Variants in AKAP13 observed in about 807,000 individuals in gnomAD.
AKAP13 encodes the protein A-kinase anchor protein 13.
Under a neutral mutation model 264.5 loss-of-function variants are expected in AKAP13, and 80 were observed. The observed-to-expected ratio is 0.30, with a 90% CI of 0.25 to 0.36. The LOEUF is 0.36. Among genes scored for constraint, AKAP13 ranks in the 10% least tolerant of loss-of-function variants. The pLI is 1.00. For missense variants in AKAP13, 3,712 were observed against 3,435.2 expected, an observed-to-expected ratio of 1.08 and a Z score of -2.01; for synonymous variants, 1,380 against 1,250.2, an observed-to-expected ratio of 1.10 and a Z score of -2.19.
rs549243415 is a variant in AKAP13, at chr15:85,640,247, A to G, written c.4237+798A>G. Among the ~76,000 whole-genome samples the G allele has an allele frequency of 2.0e-5, 3 of 152,322 alleles. No individual in the cohort carries two copies. The South Asian group carries it at 6.2e-4, about 32-fold the overall frequency. ...GATGAGTAATCCCTGTGCCTGTTCT[A>G]CGACTGCTAAGTGAATACTAGTAAT... On this transcript the variant is annotated intron_variant, in intron 9 of 36. Transcript: ENST00000394518.
At position 85,579,006 on chromosome 15, in the gene AKAP13, C is replaced by G; in HGVS notation, c.938C>G (p.Thr313Arg). The change falls in exon 7 of 37, where the codon ACA (threonine) becomes AGA (arginine). Residue 313 changes from threonine (T) to arginine (R), a missense_variant. Physicochemically the swap from Thr to Arg is moderately conservative, Grantham distance 71. Coordinates refer to ENST00000394518, the MANE Select transcript of AKAP13 (RefSeq NM_007200.5). ...TAQDPSSAPE[T>R]DGQFLPCAPE... ...CAGGATCCTTCCAGTGCCCCAGAGA[C>G]AGATGGCCAGTTTCTTCCCTGTGCA... 1 of 1,614,100 alleles carries G rather than the reference C, an allele frequency of 6.2e-7. No individual in the cohort carries two copies. The highest frequency in any genetic ancestry group is 8.5e-7 in the Non-Finnish European group (1 of 1,180,040).
At chr15:85,626,481 A>T (rs1177280609) in intron 8 of AKAP13, among the ~76,000 whole-genome samples, 1 of 152,162 alleles carries the variant, frequency 6.6e-6, no homozygotes, top group Non-Finnish European at 1.5e-5. Flanking sequence ...TCTAGGTACT[A>T]AGTGGAGTCA....
intron 1 of AKAP13, among the ~76,000 whole-genome samples, chr15:85,484,764 C>G (rs192985235): frequency 6.6e-6 from 1 of 152,240 alleles, no homozygotes; most frequent in Non-Finnish European, 1.5e-5. Context: ...AACAGTTGGT[C>G]ATTTCAATTT....
At chr15:85,539,779 T>G (rs1404735825) in intron 4 of AKAP13, among the ~76,000 whole-genome samples, 1 of 152,152 alleles carries the variant, frequency 6.6e-6, no homozygotes, top group African/African-American at 2.4e-5. Flanking sequence ...CAGAGATCTT[T>G]CCAATTAAGT....
At chr15:85,619,555 G>C in intron 8 of AKAP13, 1 of 985,168 alleles carries the variant, frequency 1.0e-6, no homozygotes, top group Non-Finnish European at 1.2e-6. Context: ...CTTTGTTTTT[G>C]TTTTAAGCAA....
intron 12 of AKAP13, among the ~76,000 whole-genome samples, chr15:85,661,061 A>G (rs774952081): frequency 4.6e-5 from 7 of 152,206 alleles, no homozygotes; most frequent in Non-Finnish European, 1.0e-4. Flanking sequence ...TTTATTGTCC[A>G]CAAGCTCTGC....
At chr15:85,483,016 G>A (rs2075396616) in intron 1 of AKAP13, among the ~76,000 whole-genome samples, 1 of 152,184 alleles carries the variant, frequency 6.6e-6, no homozygotes. Context: ...ACTCTTACGA[G>A]TTCTGGTTTT....
chr15:85,629,035 A>C (rs1299271663), intron 8 of AKAP13, among the ~76,000 whole-genome samples: 1 of 152,084 alleles, frequency 6.6e-6, no homozygotes, highest in Non-Finnish European at 1.5e-5. Flanking sequence ...CTCTCCAAAA[A>C]AATTTTTAAA....
chr15:85,729,495 A>G (rs2087835406), intron 29 of AKAP13, among the ~76,000 whole-genome samples: 1 of 152,170 alleles, frequency 6.6e-6, no homozygotes, highest in Admixed American at 6.5e-5. Context: ...AGAACAAGGC[A>G]TCTCAGTAGA....
chr15:85,484,885 A>C (rs2075482741), intron 1 of AKAP13, among the ~76,000 whole-genome samples: 1 of 152,146 alleles, frequency 6.6e-6, no homozygotes, highest in African/African-American at 2.4e-5. Context: ...ATGTGCCTTC[A>C]TTTACCTATT....
intron 21 of AKAP13, 149 bp downstream of exon 21, chr15:85,717,551 T>G: frequency 1.5e-6 from 1 of 651,010 alleles, no homozygotes; most frequent in Non-Finnish European, 2.7e-6. Context: ...TGTCCAGTGC[T>G]TTGTCATGAC....
chr15:85,741,689 G>A (rs1367378584), intron 35 of AKAP13, among the ~76,000 whole-genome samples, 194 bp downstream of exon 35: 1 of 112,380 alleles, frequency 8.9e-6, no homozygotes, highest in African/African-American at 3.7e-5. Flanking sequence ...GGGAGACTCT[G>A]TCTCTCCTAA....
intron 2 of AKAP13, among the ~76,000 whole-genome samples, chr15:85,502,094 AT>A (rs763845905): frequency 6.6e-6 from 1 of 152,052 alleles, no homozygotes; most frequent in Non-Finnish European, 1.5e-5. Context: ...AGAGTTTCTG[AT>A]TTACTAGGTT....
intron 14 of AKAP13, among the ~76,000 whole-genome samples, chr15:85,681,669 C>T (rs1266257141): frequency 6.6e-6 from 1 of 151,616 alleles, no homozygotes; most frequent in Non-Finnish European, 1.5e-5. Context: ...CTCTGATGCT[C>T]TTTCCTGTTT....
chr15:85,695,364 A>G (rs1039038842), intron 17 of AKAP13, among the ~76,000 whole-genome samples: 13 of 152,176 alleles, frequency 8.5e-5, no homozygotes, highest in African/African-American at 3.1e-4. Context: ...AGATCGTGCC[A>G]TTGCACTCCA....
At chr15:85,603,229 A>G (rs1449755118) in intron 8 of AKAP13, among the ~76,000 whole-genome samples, 1 of 152,258 alleles carries the variant, frequency 6.6e-6, no homozygotes, top group African/African-American at 2.4e-5. Context: ...CAGGCATCAC[A>G]TCACATACAC....
intron 35 of AKAP13, among the ~76,000 whole-genome samples, chr15:85,743,133 C>G (rs2089174134): frequency 6.6e-6 from 1 of 152,082 alleles, no homozygotes; most frequent in Non-Finnish European, 1.5e-5. Context: ...TATCTGCATC[C>G]CTGTGTAGAG....
At chr15:85,653,425 T>C (rs2082953876) in intron 10 of AKAP13, among the ~76,000 whole-genome samples, 1 of 152,202 alleles carries the variant, frequency 6.6e-6, no homozygotes, top group South Asian at 2.1e-4. Flanking sequence ...ATCTTTTCTC[T>C]CATTCCCATA....
rs751360909 is a variant in AKAP13, at chr15:85,580,174, T to C, written c.2106T>C (p.Asp702=). The C allele has an allele frequency of 3.7e-6, 6 of 1,614,160 alleles. No individual in the cohort carries two copies. Among genetic ancestry groups the C allele is most frequent in the Non-Finnish European group, 5.1e-6 (6 of 1,180,014 alleles). ...CAGCAAGGCAACCCAGCTCACAAGA[T>C]CCACCCGATGCCTCCCACTGTGAAG... ...STTARQPSSQ[D]PPDASHCEDP... Residue 702 remains aspartate (D), a synonymous_variant, in exon 7 of 37, where the codon GAT becomes GAC. Coordinates refer to ENST00000394518, the MANE Select transcript of AKAP13 (RefSeq NM_007200.5).
Sources: allele counts gnomAD v4.1 joint callset (sites outside exome capture counted in the v4.1 genomes callset), GRCh38; gene constraint gnomAD v4.1.1; transcripts MANE v1.5; gene names NCBI Gene and HGNC (gene_info 2026-07-23, HGNC 2026-07-21).